SEMA5A: variants seen among roughly 807,000 people sequenced by gnomAD.
The protein encoded by SEMA5A is semaphorin 5A, also known as semaphorin-5A.
Under a neutral mutation model 135.5 loss-of-function variants are expected in SEMA5A, and 55 were observed. The observed-to-expected ratio is 0.41, with a 90% CI of 0.33 to 0.51. SEMA5A has a LOEUF of 0.51. Among genes scored for constraint, SEMA5A ranks in the 20% least tolerant of loss-of-function variants. The pLI, the probability that SEMA5A is intolerant of heterozygous loss-of-function variation, is 0.37. For missense variants in SEMA5A, 1,290 were observed against 1,419.9 expected (o/e 0.91, Z 1.47); for synonymous variants, 580 against 546.5 (o/e 1.06, Z -0.85).
At chr5:9,454,501 G>A (rs1458268549) in intron 1 of SEMA5A, among the ~76,000 whole-genome samples, 1 of 152,222 alleles carries the variant, frequency 6.6e-6, no homozygotes, top group Non-Finnish European at 1.5e-5. Context: ...GCTACAAAAT[G>A]TGTAAAGGAG....
At chr5:9,158,801 G>C (rs535916171) in intron 11 of SEMA5A, among the ~76,000 whole-genome samples, 2 of 152,266 alleles carry the variant, frequency 1.3e-5, no homozygotes, top group East Asian at 3.9e-4. Flanking sequence ...CATTAGTGTT[G>C]ATATGGTTAT....
In SEMA5A at chr5:9,318,404, T is replaced by G; in HGVS notation, c.238A>C (p.Arg80=). Residue 80 remains arginine, a synonymous_variant, in exon 5 of 23, where the codon AGG becomes CGG. Coordinates refer to ENST00000382496, the MANE Select transcript of SEMA5A (RefSeq NM_003966.3). The stretch of plus-strand genomic sequence containing the variant: ...AGAGACAGATCCTCAAGCTGTAACC[T>G]GAAGAGGTAGTTTCTGCAAAATACA... The part of the protein sequence containing the change: ...LVVGARNYLF[R]LQLEDLSLIQ... The G allele has an allele frequency of 6.2e-7, 1 of 1,612,552 alleles. No individual in the cohort carries two copies. Among genetic ancestry groups the G allele is most frequent in the Non-Finnish European group, 8.5e-7 (1 of 1,179,284 alleles).
chr5:9,304,469 T>G (rs973090210), intron 5 of SEMA5A, among the ~76,000 whole-genome samples: 1 of 151,694 alleles, frequency 6.6e-6, no homozygotes, highest in African/African-American at 2.4e-5. Context: ...TTATATTATT[T>G]TTAAAGTTAA....
intron 4 of SEMA5A, among the ~76,000 whole-genome samples, chr5:9,333,506 T>C (rs1455880641): frequency 6.6e-6 from 1 of 152,200 alleles, no homozygotes; most frequent in Non-Finnish European, 1.5e-5. Context: ...AACTAATTCA[T>C]TTGGGAAATA....
chr5:9,203,856 T>C lies in SEMA5A; in HGVS notation c.647-1616A>G, dbSNP rs143951285. Among the ~76,000 whole-genome samples the C allele has an allele frequency of 1.7e-3, 255 of 152,222 alleles. 2 individuals are homozygous for C. Among genetic ancestry groups the C allele is most frequent in the African/African-American group, 5.8e-3 (241 of 41,534 alleles). ...TTGAATTGCATAACATTGTAAAAGATGGAGGTTAGATATCTTTACTGTGAT... is the reference window on the plus strand; with the variant it reads ...TTGAATTGCATAACATTGTAAAAGACGGAGGTTAGATATCTTTACTGTGAT... On this transcript the variant is annotated intron_variant, in intron 8 of 22. Coordinates refer to ENST00000382496, the MANE Select transcript of SEMA5A (RefSeq NM_003966.3).
At chr5:9,247,470 T>C (rs1236299661) in intron 5 of SEMA5A, among the ~76,000 whole-genome samples, 1 of 152,200 alleles carries the variant, frequency 6.6e-6, no homozygotes, top group African/African-American at 2.4e-5. Flanking sequence ...ACCTGATTAC[T>C]TTCTCTAGAG....
At chr5:9,473,450 C>T (rs1224342258) in intron 1 of SEMA5A, among the ~76,000 whole-genome samples, 3 of 146,100 alleles carry the variant, frequency 2.1e-5, no homozygotes, top group Non-Finnish European at 4.5e-5. Flanking sequence ...GGTTCTGTGA[C>T]CCTGGTTCTG....
At chr5:9,454,377 T>C (rs1440967043) in intron 1 of SEMA5A, among the ~76,000 whole-genome samples, 1 of 152,222 alleles carries the variant, frequency 6.6e-6, no homozygotes, top group Non-Finnish European at 1.5e-5. Context: ...AATATATTCC[T>C]GATGACCAAG....
intron 5 of SEMA5A, among the ~76,000 whole-genome samples, chr5:9,239,118 C>G (rs1748068789): frequency 6.6e-6 from 1 of 152,122 alleles, no homozygotes; most frequent in African/African-American, 2.4e-5. Flanking sequence ...AACACTGCAT[C>G]TTGTATAATT....
intron 3 of SEMA5A, among the ~76,000 whole-genome samples, chr5:9,372,469 A>G (rs548329260): frequency 6.6e-6 from 1 of 152,170 alleles, no homozygotes; most frequent in East Asian, 1.9e-4. Flanking sequence ...ACATACATAC[A>G]TGGAGTTGTG....
At chr5:9,296,444 G>C (rs1751338119) in intron 5 of SEMA5A, among the ~76,000 whole-genome samples, 1 of 152,114 alleles carries the variant, frequency 6.6e-6, no homozygotes, top group Admixed American at 6.6e-5. Flanking sequence ...AGTACATGAT[G>C]TGACATAATT....
chr5:9,413,139 G>T (rs1342806121), intron 2 of SEMA5A, among the ~76,000 whole-genome samples: 1 of 152,116 alleles, frequency 6.6e-6, no homozygotes, highest in Non-Finnish European at 1.5e-5. Flanking sequence ...GGAGACATTG[G>T]GGAAGGTGGG....
At position 9,035,675 on chromosome 5, in the gene SEMA5A, G is replaced by T. The variant is rs1171018947; in HGVS notation, c.*7222C>A. 1.3e-5 allele frequency: 2 copies of T among 152,086 alleles called. No individual in the cohort carries two copies. Among genetic ancestry groups the T allele is most frequent in the Non-Finnish European group, 2.9e-5 (2 of 68,028 alleles). The allele number at this position is 152,086 out of a possible 1,614,324, so 9.4% of individuals were successfully genotyped here. ...CATTAGAAATTTCTATTGCGCACAT[G>T]TAACAAGAAGGTTTTGAAGAATATC... On this transcript the variant is annotated 3_prime_UTR_variant, in exon 23 of 23. Coordinates refer to ENST00000382496, the MANE Select transcript of SEMA5A (RefSeq NM_003966.3).
At chr5:9,140,821 AC>A (rs1210674053) in intron 12 of SEMA5A, among the ~76,000 whole-genome samples, 1 of 152,152 alleles carries the variant, frequency 6.6e-6, no homozygotes, top group Non-Finnish European at 1.5e-5. Flanking sequence ...AAGCAACATG[AC>A]CAGTAGTTAA....
chr5:9,508,073 C>T (rs1017211844), intron 1 of SEMA5A, among the ~76,000 whole-genome samples: 3 of 151,810 alleles, frequency 2.0e-5, no homozygotes, highest in South Asian at 2.1e-4. Flanking sequence ...ATTTCCAGAA[C>T]GTGATCATAG....
intron 8 of SEMA5A, among the ~76,000 whole-genome samples, chr5:9,211,119 CTT>C (rs1367790780): frequency 6.6e-6 from 1 of 152,208 alleles, no homozygotes; most frequent in Non-Finnish European, 1.5e-5. Flanking sequence ...TGTCACACAA[CTT>C]TGCTCAACAC....
At chr5:9,093,073 A>G (rs1482471396) in intron 16 of SEMA5A, among the ~76,000 whole-genome samples, 1 of 152,174 alleles carries the variant, frequency 6.6e-6, no homozygotes, top group African/African-American at 2.4e-5. Flanking sequence ...TATTTTGAAG[A>G]AACATTAAAC....
At chr5:9,366,099 G>C (rs895595486) in intron 3 of SEMA5A, among the ~76,000 whole-genome samples, 2 of 152,244 alleles carry the variant, frequency 1.3e-5, no homozygotes, top group South Asian at 4.1e-4. Flanking sequence ...GTGAGCTTTC[G>C]GGGTAAGGGT....
chr5:9,037,645 C>G lies in SEMA5A; in HGVS notation c.*5252G>C, dbSNP rs1221671879. The G allele has an allele frequency of 6.6e-6, 1 of 151,894 alleles. No homozygotes were observed. Among genetic ancestry groups the G allele is most frequent in the Non-Finnish European group, 1.5e-5 (1 of 67,970 alleles). The allele number at this position is 151,894 out of a possible 1,614,324, so 9.4% of individuals were successfully genotyped here. A position where few individuals can be genotyped will look rare whatever the true frequency, so the allele number is the denominator to read the frequency against. On this transcript the variant is annotated 3_prime_UTR_variant, in exon 23 of 23. Coordinates refer to ENST00000382496, the MANE Select transcript of SEMA5A (RefSeq NM_003966.3). ...CAACATTACATCTTATTTACCTTTT[C>G]TATTACCAAAAGAGAAAAGAAGCAA...
Sources: gnomAD v4.1 joint callset for allele counts (sites outside exome capture counted in the v4.1 genomes callset) on GRCh38, gnomAD v4.1.1 for gene constraint, MANE v1.5 for transcripts, NCBI Gene and HGNC (gene_info 2026-07-23, HGNC 2026-07-21) for gene names.